PCDHGB1: variants seen among roughly 807,000 people sequenced by gnomAD.
PCDHGB1 encodes protocadherin gamma subfamily B, 1.
PCDHGB1 carries 34 observed loss-of-function variants against 56.6 expected under a neutral mutation model. The ratio of observed to expected loss-of-function variants is 0.60; its 90% confidence interval spans 0.46 to 0.80. The LOEUF is 0.80. Ranked by LOEUF, PCDHGB1 falls within the 30% of genes least tolerant of loss-of-function variation. The pLI is 0.00. For synonymous variants in PCDHGB1, 561 were observed against 505.9 expected (o/e 1.11, Z -1.46); for missense variants, 1,278 against 1,204.6 (o/e 1.06, Z -0.90).
intron 1 of PCDHGB1, chr5:141,388,422 C>T (rs68033444): frequency 0.056 from 89,796 of 1,613,752 alleles, 3,047 homozygotes; most frequent in African/African-American, 0.15. Flanking sequence ...TCATTTCTCA[C>T]TGATAAATAA....
At chr5:141,448,924 G>A (rs1244728418) in intron 1 of PCDHGB1, among the ~76,000 whole-genome samples, 1 of 152,116 alleles carries the variant, frequency 6.6e-6, no homozygotes, top group East Asian at 1.9e-4. Flanking sequence ...CAGCCTGGGC[G>A]ACAGAGCAAG....
intron 1 of PCDHGB1, among the ~76,000 whole-genome samples, chr5:141,454,743 G>A (rs1050167077): frequency 6.7e-6 from 1 of 149,684 alleles, no homozygotes; most frequent in African/African-American, 2.5e-5. Context: ...ATGAAAAGAG[G>A]CCAAACTAAT....
rs776189143 is a variant in PCDHGB1, at chr5:141,422,957, A to G, written c.2409+70288A>G. 11 of 1,614,190 alleles carry G rather than the reference A, an allele frequency of 6.8e-6. 1 individual carries two copies. The South Asian group carries it at 7.7e-5, about 11-fold the overall frequency. Reference sequence around the variant, plus strand: ...CCCACAGACGGCTCCACTGGCGTGGAGCTGGCGCCCCGCTCTGCGGAACCT... The same window carrying G: ...CCCACAGACGGCTCCACTGGCGTGGGGCTGGCGCCCCGCTCTGCGGAACCT... On this transcript the variant is annotated intron_variant, in intron 1 of 3. Coordinates refer to ENST00000523390, the MANE Select transcript of PCDHGB1 (RefSeq NM_018922.3).
At chr5:141,370,421 C>T in intron 1 of PCDHGB1, 1 of 1,580,640 alleles carries the variant, frequency 6.3e-7, no homozygotes. Flanking sequence ...GATGGAGGGG[C>T]CCAGCAGGGC....
intron 1 of PCDHGB1, chr5:141,407,952 G>A (rs1235192174): frequency 2.7e-5 from 17 of 633,328 alleles, no homozygotes; most frequent in Admixed American, 1.4e-4. Context: ...CTGTCGGCCA[G>A]TGCAGAGCAA....
At chr5:141,433,040 A>G in intron 1 of PCDHGB1, 1 of 1,614,086 alleles carries the variant, frequency 6.2e-7, no homozygotes, top group Non-Finnish European at 8.5e-7. Flanking sequence ...TTCCCTCACC[A>G]CGGACTCGCG....
At chr5:141,421,895 G>C in intron 1 of PCDHGB1, 1 of 1,613,730 alleles carries the variant, frequency 6.2e-7, no homozygotes, top group Non-Finnish European at 8.5e-7. Context: ...GATCCCATCC[G>C]AAAGGGCGCA....
Position 141,496,888 on chromosome 5 carries a change from TA to T in PCDHGB1, c.2468+2038del, listed in dbSNP as rs35063790. 4.6e-3 allele frequency among the ~76,000 whole-genome samples: 621 copies of T among 133,932 alleles called. 1 individual carries two copies. Among genetic ancestry groups the T allele is most frequent in the Middle Eastern group, 0.011 (3 of 270 alleles). 87.9% of individuals were successfully genotyped at this position (133,932 alleles called of 152,430 possible). ...CTGAAAATTTGCAACAAGTAACACT[TA>T]AAAAAAAAAAAAAAGGCTGGGCACT... On this transcript the variant is annotated intron_variant, in intron 2 of 3. Coordinates refer to ENST00000523390, the MANE Select transcript of PCDHGB1 (RefSeq NM_018922.3).
chr5:141,395,372 G>A, intron 1 of PCDHGB1: 2 of 1,191,834 alleles, frequency 1.7e-6, no homozygotes, highest in Non-Finnish European at 2.3e-6. Flanking sequence ...TTATTTTGGT[G>A]GTGTTACTAT....
chr5:141,375,097 G>T (rs377388001), intron 1 of PCDHGB1: 1 of 1,613,904 alleles, frequency 6.2e-7, no homozygotes, highest in Non-Finnish European at 8.5e-7. Flanking sequence ...TAACTATCTT[G>T]GATGTCAATG....
At position 141,493,726 on chromosome 5, in the gene PCDHGB1, G is replaced by C. The variant is rs1032021616; in HGVS notation, c.2410-1081G>C. ...CTGGAATGCTAGGTTTCTGGGTTCT[G>C]CTCATATCACTGCCACCTGTGAGCC... On this transcript the variant is annotated intron_variant, in intron 1 of 3. Coordinates refer to ENST00000523390, the MANE Select transcript of PCDHGB1 (RefSeq NM_018922.3). This position sits in a 1 kb window ranked among gnomAD's most constrained non-coding sequence, Gnocchi z 4.3. Among the ~76,000 whole-genome samples, 2 of 152,154 alleles carry C rather than the reference G, an allele frequency of 1.3e-5. No individual in the cohort carries two copies. Among genetic ancestry groups the C allele is most frequent in the African/African-American group, 4.8e-5 (2 of 41,438 alleles).
At position 141,393,567 on chromosome 5, in the gene PCDHGB1, C is replaced by T. The variant is rs766591189; in HGVS notation, c.2409+40898C>T. 6 of 1,613,798 alleles carry T rather than the reference C, an allele frequency of 3.7e-6. No homozygotes were observed. The African/African-American group carries it at 6.7e-5, about 18-fold the overall frequency. ...TCACCCGATTTACCGAGTGAAAGTC[C>T]TTGAGAACATGCCCCCAGGCACGCG... On this transcript the variant is annotated intron_variant, in intron 1 of 3. Transcript: ENST00000523390.
Position 141,485,209 on chromosome 5 carries a change from G to T in PCDHGB1, c.2410-9598G>T, listed in dbSNP as rs2099609420. The T allele has an allele frequency of 6.2e-7, 1 of 1,614,032 alleles. No individual in the cohort carries two copies. Among genetic ancestry groups the T allele is most frequent in the African/African-American group, 1.3e-5 (1 of 74,938 alleles). On this transcript the variant is annotated intron_variant, in intron 1 of 3. Transcript: ENST00000523390. This position sits in a 1 kb window ranked among gnomAD's most constrained non-coding sequence, Gnocchi z 5.7. Reference sequence around the variant, plus strand: ...AGGTGAGAAGCTGGACAGAAATCTGGCGGTGGGCTACCCTTTTGTTCCTCT... The same window carrying T: ...AGGTGAGAAGCTGGACAGAAATCTGTCGGTGGGCTACCCTTTTGTTCCTCT...
rs1561561698 is a variant in PCDHGB1 at position 141,374,186 on chromosome 5, A to G, written c.2409+21517A>G. 5 of 1,613,668 alleles carry G rather than the reference A, an allele frequency of 3.1e-6. No individual in the cohort carries two copies. The highest frequency in any genetic ancestry group is 3.3e-5 in the Admixed American group (2 of 60,008). On this transcript the variant is annotated intron_variant, in intron 1 of 3. Transcript: ENST00000523390. ...CGCGGCAGCGCAGATCCGCTACTCT[A>G]TTCCCGAGGAGCTGGAGAAAGGCTC... is the stretch of plus-strand genomic sequence containing the variant.
intron 1 of PCDHGB1, among the ~76,000 whole-genome samples, chr5:141,439,243 T>C (rs2098101178): frequency 6.6e-6 from 1 of 151,962 alleles, no homozygotes; most frequent in Non-Finnish European, 1.5e-5. Flanking sequence ...CCTATACAAT[T>C]TCAGCTGAAG....
chr5:141,404,330 T>C, intron 1 of PCDHGB1: 1 of 1,613,934 alleles, frequency 6.2e-7, no homozygotes, highest in African/African-American at 1.3e-5. Context: ...CTACTCAGTC[T>C]ACCTCCCGGA....
intron 1 of PCDHGB1, among the ~76,000 whole-genome samples, chr5:141,444,558 T>C (rs2098440789): frequency 6.6e-6 from 1 of 152,190 alleles, no homozygotes; most frequent in African/African-American, 2.4e-5. Context: ...AAGGCACTTA[T>C]TTGACACTTT....
chr5:141,355,488 C>T, intron 1 of PCDHGB1: 1 of 1,614,004 alleles, frequency 6.2e-7, no homozygotes, highest in South Asian at 1.1e-5. Context: ...AGGAGCTCTG[C>T]GACAGATCTC....
chr5:141,410,399 G>A, intron 1 of PCDHGB1: 1 of 1,614,044 alleles, frequency 6.2e-7, no homozygotes. Flanking sequence ...TGGTCTCTGT[G>A]TCAAGTCTGG....
Sources: gnomAD v4.1 joint callset for allele counts (sites outside exome capture counted in the v4.1 genomes callset) on GRCh38, gnomAD v4.1.1 for gene constraint, Gnocchi (gnomAD v3.1) non-coding constraint, MANE v1.5 for transcripts, NCBI Gene and HGNC (gene_info 2026-07-23, HGNC 2026-07-21) for gene names.